Variants in SLC5A5 observed in about 807,000 individuals in gnomAD.
The protein encoded by SLC5A5 is solute carrier family 5 member 5, also known as sodium/iodide cotransporter.
A neutral mutation model predicts 68.6 loss-of-function variants in SLC5A5; 56 were observed. That is an observed-to-expected ratio of 0.82 (90% CI 0.66 to 1.02). The LOEUF (loss-of-function observed/expected upper bound fraction) is 1.02. Among genes scored for constraint, SLC5A5 ranks in the 50% least tolerant of loss-of-function variants. The probability of loss-of-function intolerance (pLI) is 0.00; values close to 1 mark genes in which losing one functional copy is unlikely to be tolerated. For missense variants in SLC5A5, 807 were observed against 859.8 expected (o/e 0.94, Z 0.77); for synonymous variants, 398 against 373.0 (o/e 1.07, Z -0.77).
intron 7 of SLC5A5, among the ~76,000 whole-genome samples, chr19:17,878,693 A>G (rs896044772): frequency 6.6e-6 from 1 of 151,584 alleles, no homozygotes; most frequent in African/African-American, 2.4e-5. Flanking sequence ...ACCATGACCC[A>G]GGCCGGGCAT....
chr19:17,889,904 T>C (rs2030098948), intron 13 of SLC5A5, among the ~76,000 whole-genome samples: 1 of 152,196 alleles, frequency 6.6e-6, no homozygotes, highest in African/African-American at 2.4e-5. Context: ...GGAAAGTCAG[T>C]AGTGATAACA....
chr19:17,894,100 C>G lies in SLC5A5; in HGVS notation c.*223C>G, dbSNP rs2030313498. On this transcript the variant is annotated 3_prime_UTR_variant, in exon 15 of 15. Coordinates refer to ENST00000222248, the MANE Select transcript of SLC5A5 (RefSeq NM_000453.3). ...CCGTCCCCAGTATTAGACGCTGCAGCCCTGACGGCTCCCCCCAAATAAGGC... is the reference window on the plus strand; with the variant it reads ...CCGTCCCCAGTATTAGACGCTGCAGGCCTGACGGCTCCCCCCAAATAAGGC... 4 of 568,400 alleles carry G rather than the reference C, an allele frequency of 7.0e-6. No homozygotes were observed. The highest frequency in any genetic ancestry group is 1.2e-5 in the Non-Finnish European group (4 of 321,030). 35.2% of individuals were successfully genotyped at this position (568,400 alleles called of 1,614,324 possible). A position where few individuals can be genotyped will look rare whatever the true frequency, so the allele number is the denominator to read the frequency against.
Position 17,894,096 on chromosome 19 carries a change from G to A in SLC5A5, c.*219G>A. On this transcript the variant is annotated 3_prime_UTR_variant, in exon 15 of 15. Transcript: ENST00000222248. ...TCAACCGTCCCCAGTATTAGACGCT[G>A]CAGCCCTGACGGCTCCCCCCAAATA... 1 of 567,652 alleles carries A rather than the reference G, an allele frequency of 1.8e-6. No homozygotes were observed. Among genetic ancestry groups the A allele is most frequent in the Non-Finnish European group, 3.1e-6 (1 of 319,744 alleles). The allele number at this position is 567,652 out of a possible 1,614,324, so 35.2% of individuals were successfully genotyped here.
Position 17,884,041 on chromosome 19 carries a change from C to T in SLC5A5, c.1521C>T (p.Ala507=), listed in dbSNP as rs900870956. ...TCCCTGCTAACGACTCCAGCAGGGC[C>T]CCCAGGTGAGCAGACTTGAGGGTAG... The part of the protein sequence containing the change: ...ALLPANDSSR[A]PSSGMDASRP... The change falls in exon 12 of 15, where the codon GCC becomes GCT. Residue 507 remains alanine, a synonymous_variant. Transcript: ENST00000222248. The T allele has an allele frequency of 6.4e-7, 1 of 1,563,106 alleles. No homozygotes were observed. The highest frequency in any genetic ancestry group is 8.6e-7 in the Non-Finnish European group (1 of 1,156,634).
rs2094295257 is a variant in SLC5A5, at chr19:17,872,019, G to A, written c.-301G>A. The A allele has an allele frequency of 6.9e-6, 3 of 434,014 alleles. No individual in the cohort carries two copies. The South Asian group carries it at 8.0e-5, about 12-fold the overall frequency. The allele number at this position is 434,014 out of a possible 1,614,324, so 26.9% of individuals were successfully genotyped here. The stretch of plus-strand genomic sequence containing the variant: ...GCCCAGGGAGAGGGACAGACAGCCG[G>A]CTGCATGGGACAGCGGAACCCAGAG... On this transcript the variant is annotated 5_prime_UTR_variant, in exon 1 of 15. Transcript: ENST00000222248.
Position 17,891,360 on chromosome 19 carries a change from C to T in SLC5A5, c.1767+359C>T, listed in dbSNP as rs116714620. ...AGTTGCTACTACAGGCGCATGCCACCGCACCCAGCTAATTTTTATGTTTTT... is the reference window on the plus strand; with the variant it reads ...AGTTGCTACTACAGGCGCATGCCACTGCACCCAGCTAATTTTTATGTTTTT... On this transcript the variant is annotated intron_variant, in intron 14 of 14. Coordinates refer to ENST00000222248, the MANE Select transcript of SLC5A5 (RefSeq NM_000453.3). 9.1e-3 allele frequency among the ~76,000 whole-genome samples: 1,381 copies of T among 152,116 alleles called. 21 individuals carry two copies. The highest frequency in any genetic ancestry group is 0.031 in the African/African-American group (1,279 of 41,506).
intron 10 of SLC5A5, among the ~76,000 whole-genome samples, chr19:17,883,376 T>A (rs2094325291): frequency 6.6e-6 from 1 of 150,674 alleles, no homozygotes; most frequent in Non-Finnish European, 1.5e-5. Context: ...ATCGCGCCAC[T>A]GCACTCCAAC....
At chr19:17,877,321 T>C (rs889522050) in intron 5 of SLC5A5, among the ~76,000 whole-genome samples, 2 of 151,798 alleles carry the variant, frequency 1.3e-5, no homozygotes, top group Non-Finnish European at 2.9e-5. Context: ...TTAATTTTTT[T>C]TTTTTTGAGA....
intron 7 of SLC5A5, among the ~76,000 whole-genome samples, chr19:17,878,995 A>AC (rs2094314491): frequency 1.3e-5 from 2 of 149,994 alleles, no homozygotes; most frequent in African/African-American, 4.9e-5. Context: ...AAAACAAAAA[A>AC]AAAAAACCAA....
Position 17,872,249 on chromosome 19 carries a change from G to C in SLC5A5, c.-71G>C. On this transcript the variant is annotated 5_prime_UTR_variant, in exon 1 of 15. Coordinates refer to ENST00000222248, the MANE Select transcript of SLC5A5 (RefSeq NM_000453.3). Reference sequence around the variant, plus strand: ...CCGCCCTCCCCGTCCTGCCTCCTCGGCCCCTGCCAGCTTCCCCCGCTTGAG... The same window carrying C: ...CCGCCCTCCCCGTCCTGCCTCCTCGCCCCCTGCCAGCTTCCCCCGCTTGAG... The C allele has an allele frequency of 1.2e-6, 1 of 811,636 alleles. No individual in the cohort carries two copies. The highest frequency in any genetic ancestry group is 1.9e-6 in the Non-Finnish European group (1 of 514,988). 50.3% of individuals were successfully genotyped at this position (811,636 alleles called of 1,614,324 possible). A position where few individuals can be genotyped will look rare whatever the true frequency, so the allele number is the denominator to read the frequency against.
In SLC5A5 at chr19:17,888,356, G is replaced by A. The variant is rs147583297; in HGVS notation, c.1552G>A (p.Ala518Thr). The change falls in exon 13 of 15, where the codon GCC (alanine) becomes ACC (threonine). Residue 518 changes from alanine (A) to threonine (T), a missense_variant. Transcript: ENST00000222248. Reference protein sequence around the residue: ...PSSGMDASRPALADSFYAISY... With the variant: ...PSSGMDASRPTLADSFYAISY... ...CTCAGGAATGGACGCCAGCCGACCC[G>A]CCTTAGCTGACAGCTTCTATGCCAT... 1.9e-5 allele frequency: 31 copies of A among 1,613,760 alleles called. No homozygotes were observed. Among genetic ancestry groups the A allele is most frequent in the Admixed American group, 5.0e-5 (3 of 59,970 alleles).
chr19:17,872,089 A>T lies in SLC5A5; in HGVS notation c.-231A>T. ...ACAGACAGACAGCAGGGGCGGACGCAGAGACAGACAGCGGGGACAGGGAGG... is the reference window on the plus strand; with the variant it reads ...ACAGACAGACAGCAGGGGCGGACGCTGAGACAGACAGCGGGGACAGGGAGG... On this transcript the variant is annotated 5_prime_UTR_variant, in exon 1 of 15. Coordinates refer to ENST00000222248, the MANE Select transcript of SLC5A5 (RefSeq NM_000453.3). The T allele has an allele frequency of 1.8e-6, 1 of 565,872 alleles. No homozygotes were observed. Among genetic ancestry groups the T allele is most frequent in the Non-Finnish European group, 3.1e-6 (1 of 318,022 alleles). The allele number at this position is 565,872 out of a possible 1,614,324, so 35.1% of individuals were successfully genotyped here.
chr19:17,875,645 G>A (rs2094305213), intron 4 of SLC5A5, among the ~76,000 whole-genome samples: 1 of 150,242 alleles, frequency 6.7e-6, no homozygotes, highest in South Asian at 2.1e-4. Context: ...CGGGCATGGT[G>A]GCACCTGCTG....
intron 2 of SLC5A5, 88 bp downstream of exon 2, chr19:17,874,291 A>AGACCCCGCCCCCCATGCACCCGTTCT: frequency 4.1e-6 from 1 of 243,934 alleles, no homozygotes. Context: ...GACCCCGCCC[A>AGACCCCGCCCCCCATGCACCCGTTCT]GACCCCGCCC....
chr19:17,876,017 G>C lies in SLC5A5; in HGVS notation c.609G>C (p.Trp203Cys). The C allele has an allele frequency of 6.2e-7, 1 of 1,614,200 alleles. No homozygotes were observed. Among genetic ancestry groups the C allele is most frequent in the Non-Finnish European group, 8.5e-7 (1 of 1,180,040 alleles). ...TCGTGGTGATGCTAAGTGGCTTCTG[G>C]GTTGTCCTGGCACGCGGTGTCATGC... ...FQVVVMLSGF[W>C]VVLARGVMLV... Residue 203 changes from tryptophan (W) to cysteine (C), a missense_variant, in exon 5 of 15, where the codon TGG (tryptophan) becomes TGC (cysteine). Physicochemically the swap from Trp to Cys is radical, Grantham distance 215. Coordinates refer to ENST00000222248, the MANE Select transcript of SLC5A5 (RefSeq NM_000453.3).
At chr19:17,877,593 C>T (rs1754181832) in intron 5 of SLC5A5, 130 bp from the exon 6 acceptor site, 2 of 1,150,048 alleles carry the variant, frequency 1.7e-6, no homozygotes, top group African/African-American at 1.5e-5. Context: ...CAGGCATGAG[C>T]CACTGCGCCT....
Position 17,877,929 on chromosome 19 carries a change from C to T in SLC5A5, c.840-35C>T, listed in dbSNP as rs749502315. On this transcript the variant is annotated intron_variant, in intron 6 of 14. Transcript: ENST00000222248. The stretch of plus-strand genomic sequence containing the variant: ...GCTGCCCCCCTCCACCAGCCTGAGG[C>T]TATCCCCTAAGCCTGAGGCTGCCTC... 96 of 1,613,716 alleles carry T rather than the reference C, an allele frequency of 5.9e-5. No homozygotes were observed. In the Middle Eastern group the frequency reaches 3.0e-3, roughly 50 times the overall value.
rs189899682 is a variant in SLC5A5, at chr19:17,893,955, C to T, written c.*78C>T. ...CAAACCCAGACAACGGGCCCATGGCCTTGGGCTCTGATTGGCTGGATTGCC... is the reference window on the plus strand; with the variant it reads ...CAAACCCAGACAACGGGCCCATGGCTTTGGGCTCTGATTGGCTGGATTGCC... On this transcript the variant is annotated 3_prime_UTR_variant, in exon 15 of 15. Transcript: ENST00000222248. 3.2e-5 allele frequency: 44 copies of T among 1,380,866 alleles called. 1 individual carries two copies. The highest frequency in any genetic ancestry group is 1.4e-4 in the South Asian group (11 of 80,498). 85.5% of individuals were successfully genotyped at this position (1,380,866 alleles called of 1,614,324 possible).
At position 17,876,124 on chromosome 19, in the gene SLC5A5, G is replaced by A. The variant is rs769093913; in HGVS notation, c.698+18G>A. On this transcript the variant is annotated intron_variant, in intron 5 of 14. Coordinates refer to ENST00000222248, the MANE Select transcript of SLC5A5 (RefSeq NM_000453.3). ...CTCATGGAGTGAGTGAAAATGCAGAGGATACTCCAGCAGGATGGGGCTGGG... is the reference window on the plus strand; with the variant it reads ...CTCATGGAGTGAGTGAAAATGCAGAAGATACTCCAGCAGGATGGGGCTGGG... 6.2e-7 allele frequency: 1 copy of A among 1,613,342 alleles called. No homozygotes were observed. The highest frequency in any genetic ancestry group is 1.1e-5 in the South Asian group (1 of 91,068).
Sources: allele counts gnomAD v4.1 joint callset (sites outside exome capture counted in the v4.1 genomes callset), GRCh38; gene constraint gnomAD v4.1.1; transcripts MANE v1.5; gene names NCBI Gene and HGNC (gene_info 2026-07-23, HGNC 2026-07-21).